Variants in SGCZ observed in about 807,000 individuals in gnomAD.
The protein encoded by SGCZ is sarcoglycan zeta.
In SGCZ, 40 loss-of-function variants were observed where a neutral mutation model predicts 41.3. That is an observed-to-expected ratio of 0.97 (90% CI 0.75 to 1.26). The LOEUF (loss-of-function observed/expected upper bound fraction) is 1.26. SGCZ is among the 50% of genes most tolerant of loss of function. The pLI, the probability that SGCZ is intolerant of heterozygous loss-of-function variation, is 0.00. For synonymous variants in SGCZ, 206 were observed against 137.5 expected (o/e 1.50, Z -3.49); for missense variants, 552 against 369.8 (o/e 1.49, Z -4.04).
At chr8:15,015,358 A>G (rs1455937450) in intron 1 of SGCZ, among the ~76,000 whole-genome samples, 2 of 152,212 alleles carry the variant, frequency 1.3e-5, no homozygotes, top group Non-Finnish European at 2.9e-5. Context: ...TGAATGTCTG[A>G]AAAACACTGT....
intron 3 of SGCZ, among the ~76,000 whole-genome samples, chr8:14,273,324 C>T (rs116710454): frequency 6.2e-4 from 94 of 152,098 alleles, no homozygotes; most frequent in African/African-American, 7.9e-4. Context: ...CTAATATTTC[C>T]TTCCTTTATC....
intron 2 of SGCZ, among the ~76,000 whole-genome samples, chr8:14,418,265 G>C (rs1463380384): frequency 1.3e-5 from 2 of 151,922 alleles, no homozygotes; most frequent in Admixed American, 1.3e-4. Flanking sequence ...TTCTTCCTGA[G>C]GGCTGGAGAA....
intron 1 of SGCZ, among the ~76,000 whole-genome samples, chr8:14,782,679 T>TATTATTAATAAAAATCTGCTAATA (rs1265196318): frequency 1.9e-4 from 26 of 138,300 alleles, no homozygotes; most frequent in Admixed American, 1.5e-3. Context: ...TTGAGATGGT[T>TATTATTAATAAAAATCTGCTAATA]ATAGAAAAAA....
intron 1 of SGCZ, among the ~76,000 whole-genome samples, chr8:15,203,476 A>G (rs944557480): frequency 3.3e-5 from 5 of 152,152 alleles, no homozygotes; most frequent in Non-Finnish European, 7.3e-5. Context: ...GAGGGCAAAC[A>G]AGATCTTGAT....
At chr8:14,284,911 A>G (rs2116928075) in intron 3 of SGCZ, among the ~76,000 whole-genome samples, 1 of 152,174 alleles carries the variant, frequency 6.6e-6, no homozygotes, top group Non-Finnish European at 1.5e-5. Context: ...TTGATCATGT[A>G]TTCCTGCCAC....
chr8:14,241,445 A>T (rs1398211491), intron 3 of SGCZ, among the ~76,000 whole-genome samples: 2 of 148,548 alleles, frequency 1.3e-5, no homozygotes, highest in African/African-American at 4.9e-5. Flanking sequence ...GTATAAATAT[A>T]TAAACAATAT....
At chr8:14,464,218 G>C (rs1008842934) in intron 2 of SGCZ, among the ~76,000 whole-genome samples, 2 of 151,586 alleles carry the variant, frequency 1.3e-5, no homozygotes, top group East Asian at 3.9e-4. Flanking sequence ...ATTTTGGGTA[G>C]AATCCACTGG....
chr8:14,750,427 A>T (rs905152078), intron 1 of SGCZ, among the ~76,000 whole-genome samples: 1 of 152,176 alleles, frequency 6.6e-6, no homozygotes, highest in African/African-American at 2.4e-5. Context: ...AGGAAGGGAC[A>T]ATTTTTCCTC....
At chr8:15,098,378 T>C (rs1450750464) in intron 1 of SGCZ, among the ~76,000 whole-genome samples, 2 of 152,052 alleles carry the variant, frequency 1.3e-5, no homozygotes, top group Non-Finnish European at 1.5e-5. Flanking sequence ...TAAAAGAAAA[T>C]CATACAGATC....
intron 1 of SGCZ, among the ~76,000 whole-genome samples, chr8:14,696,194 TCAGA>T (rs1244545873): frequency 2.6e-5 from 4 of 152,186 alleles, no homozygotes; most frequent in Non-Finnish European, 5.9e-5. Flanking sequence ...CAAAAGTGAA[TCAGA>T]CATTTAATAT....
At chr8:14,178,929 C>T (rs1258868540) in intron 4 of SGCZ, among the ~76,000 whole-genome samples, 1 of 152,200 alleles carries the variant, frequency 6.6e-6, no homozygotes, top group East Asian at 1.9e-4. Flanking sequence ...ATTGGTCACA[C>T]TTCTGAGCCC....
intron 1 of SGCZ, among the ~76,000 whole-genome samples, chr8:14,583,996 T>C (rs896863564): frequency 3.3e-5 from 5 of 152,142 alleles, no homozygotes; most frequent in Non-Finnish European, 7.4e-5. Context: ...TTGTTTTGTT[T>C]CATTTTGTTT....
chr8:14,401,014 C>G (rs1316994701), intron 2 of SGCZ, among the ~76,000 whole-genome samples: 2 of 152,030 alleles, frequency 1.3e-5, no homozygotes, highest in Non-Finnish European at 1.5e-5. Context: ...GGTTTGGAAA[C>G]CAACAATTCA....
At chr8:14,492,134 T>C (rs908685528) in intron 2 of SGCZ, among the ~76,000 whole-genome samples, 1 of 152,204 alleles carries the variant, frequency 6.6e-6, no homozygotes, top group Non-Finnish European at 1.5e-5. Context: ...AATAGATGTG[T>C]TAAAATGTTT....
At chr8:15,225,012 A>T (rs992674702) in intron 1 of SGCZ, among the ~76,000 whole-genome samples, 12 of 152,190 alleles carry the variant, frequency 7.9e-5, no homozygotes, top group Non-Finnish European at 1.3e-4. Flanking sequence ...ATTTTAACAT[A>T]TCTCTAATTT....
chr8:14,482,517 A>G (rs974316869), intron 2 of SGCZ, among the ~76,000 whole-genome samples: 1 of 152,148 alleles, frequency 6.6e-6, no homozygotes, highest in Non-Finnish European at 1.5e-5. Context: ...AAGTATAACA[A>G]CTTTGGAAGA....
chr8:14,487,249 T>C (rs1301712048), intron 2 of SGCZ, among the ~76,000 whole-genome samples: 10 of 152,190 alleles, frequency 6.6e-5, no homozygotes, highest in Non-Finnish European at 1.5e-4. Flanking sequence ...TTGTAAACGC[T>C]TTATTTTTAT....
chr8:14,332,157 C>T (rs1242363986), intron 2 of SGCZ, among the ~76,000 whole-genome samples: 6 of 152,012 alleles, frequency 3.9e-5, no homozygotes, highest in Admixed American at 6.6e-5. Context: ...ATATGATGAC[C>T]GTGCACAGTG....
intron 2 of SGCZ, among the ~76,000 whole-genome samples, chr8:14,334,755 A>T (rs1201197688): frequency 6.6e-6 from 1 of 152,118 alleles, no homozygotes; most frequent in East Asian, 1.9e-4. Context: ...ATCTGAACAA[A>T]CTATGGTTAT....
Sources: gnomAD v4.1 joint callset for allele counts (sites outside exome capture counted in the v4.1 genomes callset) on GRCh38, gnomAD v4.1.1 for gene constraint, MANE v1.5 for transcripts, NCBI Gene and HGNC (gene_info 2026-07-23, HGNC 2026-07-21) for gene names.